Variants in USP42 observed in about 807,000 individuals in gnomAD.
USP42 encodes ubiquitin carboxyl-terminal hydrolase 42.
A neutral mutation model predicts 113.0 loss-of-function variants in USP42; 23 were observed. The observed-to-expected ratio is 0.20, with a 90% CI of 0.15 to 0.29. USP42 has a LOEUF of 0.29. Among genes scored for constraint, USP42 ranks in the 10% least tolerant of loss-of-function variants. The pLI is 1.00. For synonymous variants in USP42, 933 were observed against 699.0 expected, an observed-to-expected ratio of 1.33 and a Z score of -5.28; for missense variants, 2,174 against 1,779.8, an observed-to-expected ratio of 1.22 and a Z score of -3.99.
At chr7:6,090,229 G>A in the USP42 span, among the ~76,000 whole-genome samples, 2 of 146,346 alleles carry the variant, frequency 1.4e-5, no homozygotes, top group Non-Finnish European at 3.0e-5. Flanking sequence ...GAACCCAGGA[G>A]GCTGAGGTTG....
Position 6,141,142 on chromosome 7 carries a change from A to G in USP42, c.795+158A>G, listed in dbSNP as rs547427045. Among the ~76,000 whole-genome samples the G allele has an allele frequency of 5.3e-5, 8 of 152,082 alleles. No homozygotes were observed. The South Asian group carries it at 1.7e-3, about 32-fold the overall frequency. Reference sequence around the variant, plus strand: ...GAGGAATTATTCAAGCTTTGTAGTAAGCATCATAAAAAAGCTTTTAAAGTT... The same window carrying G: ...GAGGAATTATTCAAGCTTTGTAGTAGGCATCATAAAAAAGCTTTTAAAGTT... On this transcript the variant is annotated intron_variant, in intron 7 of 17. Transcript: ENST00000306177.
Position 6,159,187 on chromosome 7 carries a change from GC to G in USP42, c.3944-261del, listed in dbSNP as rs1782630715. Among the ~76,000 whole-genome samples, 1 of 152,132 alleles carries G rather than the reference GC, an allele frequency of 6.6e-6. No homozygotes were observed. Reference sequence around the variant, plus strand: ...CTGTTCCGCCCAGTTCAGTTCTTGGGCCTGATATCTGTTCTAACATCAGGCT... The same window carrying G: ...CTGTTCCGCCCAGTTCAGTTCTTGGGCTGATATCTGTTCTAACATCAGGCT... On this transcript the variant is annotated intron_variant, in intron 16 of 17. Coordinates refer to ENST00000306177, the MANE Select transcript of USP42 (RefSeq NM_032172.3). The surrounding 1 kb of genome is among the most constrained non-coding windows in gnomAD (Gnocchi z 4.1).
Position 6,158,550 on chromosome 7 carries a change from TGAGA to T in USP42, c.3944-894_3944-891del, listed in dbSNP as rs1193524353. Among the ~76,000 whole-genome samples, 3 of 152,036 alleles carry T rather than the reference TGAGA, an allele frequency of 2.0e-5. No homozygotes were observed. The highest frequency in any genetic ancestry group is 4.4e-5 in the Non-Finnish European group (3 of 67,972). On this transcript the variant is annotated intron_variant, in intron 16 of 17. Transcript: ENST00000306177. This position sits in a 1 kb window ranked among gnomAD's most constrained non-coding sequence, Gnocchi z 4.2. ...AGGGGTAAACGGTCCTTAGAGTGTG[TGAGA>T]GAGAGCTGGGGGTTGCGGGGTGAGC...
intron 3 of USP42, among the ~76,000 whole-genome samples, chr7:6,130,102 C>T (rs1346795984): frequency 1.3e-5 from 2 of 152,096 alleles, no homozygotes; most frequent in South Asian, 2.1e-4. Flanking sequence ...CCTCTTGCGT[C>T]GACCTCCGAA....
chr7:6,134,240 A>G (rs1781008078), intron 3 of USP42, among the ~76,000 whole-genome samples: 1 of 152,154 alleles, frequency 6.6e-6, no homozygotes. Flanking sequence ...CCTTGAACAT[A>G]GGAATATATT....
At chr7:6,093,229 C>G in the USP42 span, 1 of 145,874 alleles carries the variant, frequency 6.9e-6, no homozygotes, top group Non-Finnish European at 1.5e-5. Flanking sequence ...TCCTCCCTCC[C>G]TCCCTCTCTT....
Position 6,159,428 on chromosome 7 carries a change from T to C in USP42, c.3944-22T>C. Reference sequence around the variant, plus strand: ...ATTTTGCAACCATCATTAAAATCTCTTTCCTGACCTTTGCTTTCTAGGTGA... The same window carrying C: ...ATTTTGCAACCATCATTAAAATCTCCTTCCTGACCTTTGCTTTCTAGGTGA... On this transcript the variant is annotated intron_variant, in intron 16 of 17. Coordinates refer to ENST00000306177, the MANE Select transcript of USP42 (RefSeq NM_032172.3). This position sits in a 1 kb window ranked among gnomAD's most constrained non-coding sequence, Gnocchi z 4.1. 6.2e-7 allele frequency: 1 copy of C among 1,613,944 alleles called. No homozygotes were observed. Among genetic ancestry groups the C allele is most frequent in the Non-Finnish European group, 8.5e-7 (1 of 1,179,872 alleles).
rs1257726133 is a variant in USP42 at position 6,158,682 on chromosome 7, C to T, written c.3944-768C>T. ...ACGGGTTGCCTGCGGGCCTTGTAGA[C>T]GTTCTGGACATTTCAGAATTGGTTT... On this transcript the variant is annotated intron_variant, in intron 16 of 17. Transcript: ENST00000306177. The surrounding 1 kb of genome is among the most constrained non-coding windows in gnomAD (Gnocchi z 4.2). Among the ~76,000 whole-genome samples the T allele has an allele frequency of 6.6e-6, 1 of 152,202 alleles. No individual in the cohort carries two copies. Among genetic ancestry groups the T allele is most frequent in the East Asian group, 1.9e-4 (1 of 5,188 alleles).
Position 6,149,888 on chromosome 7 carries a change from G to T in USP42, c.1692G>T (p.Gln564His). The T allele has an allele frequency of 6.2e-7, 1 of 1,614,002 alleles. No individual in the cohort carries two copies. Among genetic ancestry groups the T allele is most frequent in the Non-Finnish European group, 8.5e-7 (1 of 1,179,890 alleles). The change falls in exon 13 of 18, where the codon CAG becomes CAT. Residue 564 changes from glutamine (Q) to histidine (H), a missense_variant. Transcript: ENST00000306177. ...CTACCATTACCAATTCTGCAGTACA[G>T]TCTACCTCGAACGCATCTACGATGT... ...PSSTITNSAV[Q>H]STSNASTMSV...
At chr7:6,096,676 A>G in the USP42 span, among the ~76,000 whole-genome samples, 1 of 151,436 alleles carries the variant, frequency 6.6e-6, no homozygotes, top group African/African-American at 2.5e-5. Context: ...ATCCCTGGAG[A>G]TTAATCCCAA....
At chr7:6,150,352 T>A in intron 13 of USP42, 50 bp downstream of exon 13, 1 of 1,609,140 alleles carries the variant, frequency 6.2e-7, no homozygotes, top group African/African-American at 1.3e-5. Context: ...TTCCCTTGGC[T>A]GGATTTCAGG....
At chr7:6,152,462 G>T (rs1782126263) in intron 14 of USP42, among the ~76,000 whole-genome samples, 1 of 152,230 alleles carries the variant, frequency 6.6e-6, no homozygotes, top group Non-Finnish European at 1.5e-5. Context: ...GTTCATGCTG[G>T]CGGGGCTCCC....
the USP42 span, among the ~76,000 whole-genome samples, chr7:6,091,714 C>CACACACACACACACAG: frequency 1.3e-5 from 2 of 148,692 alleles, no homozygotes; most frequent in Non-Finnish European, 3.0e-5. Flanking sequence ...CACACACACA[C>CACACACACACACACAG]ATATATATGT....
At chr7:6,126,141 G>T (rs1440666261) in intron 3 of USP42, among the ~76,000 whole-genome samples, 1 of 152,136 alleles carries the variant, frequency 6.6e-6, no homozygotes, top group Non-Finnish European at 1.5e-5. Flanking sequence ...CATTTCAACA[G>T]TGTTACGTGA....
At chr7:6,092,096 C>CTT in the USP42 span, among the ~76,000 whole-genome samples, 1 of 132,444 alleles carries the variant, frequency 7.6e-6, no homozygotes, top group Non-Finnish European at 1.6e-5. Context: ...TCTTCTTCTT[C>CTT]CTCCTCTTCT....
At chr7:6,097,386 C>CCT in the USP42 span, among the ~76,000 whole-genome samples, 3 of 108,446 alleles carry the variant, frequency 2.8e-5, no homozygotes, top group Non-Finnish European at 5.3e-5. Context: ...CCTGTGGGTC[C>CCT]TTTTTTTTTT....
chr7:6,136,952 A>G (rs763412181), intron 4 of USP42, among the ~76,000 whole-genome samples: 1 of 152,060 alleles, frequency 6.6e-6, no homozygotes, highest in African/African-American at 2.4e-5. Flanking sequence ...TTACAGTCTT[A>G]AAAGAATATA....
chr7:6,091,972 G>A, the USP42 span, among the ~76,000 whole-genome samples: 22 of 123,150 alleles, frequency 1.8e-4, 1 homozygote, highest in Non-Finnish European at 3.3e-4. Context: ...CCTCAAGGAC[G>A]TATTTTTTCT....
intron 1 of USP42, among the ~76,000 whole-genome samples, chr7:6,106,711 C>A (rs1177194380): frequency 6.6e-6 from 1 of 151,816 alleles, no homozygotes; most frequent in East Asian, 1.9e-4. Flanking sequence ...ACTACAGGCA[C>A]ATGCCACCAC....
Sources: gnomAD v4.1 joint callset for allele counts (sites outside exome capture counted in the v4.1 genomes callset) on GRCh38, gnomAD v4.1.1 for gene constraint, Gnocchi (gnomAD v3.1) non-coding constraint, MANE v1.5 for transcripts, NCBI Gene and HGNC (gene_info 2026-07-23, HGNC 2026-07-21) for gene names.